The following KALRN variants were observed in gnomAD, a reference collection of about 807,000 sequenced individuals.
The protein encoded by KALRN is kalirin RhoGEF kinase.
A neutral mutation model predicts 353.7 loss-of-function variants in KALRN; 70 were observed. The observed-to-expected ratio is 0.20, with a 90% CI of 0.16 to 0.24. The LOEUF is 0.24. Among genes scored for constraint, KALRN ranks in the 10% least tolerant of loss-of-function variants. The probability of loss-of-function intolerance (pLI) is 1.00; values close to 1 mark genes in which losing one functional copy is unlikely to be tolerated. For missense variants in KALRN, 2,791 were observed against 3,756.7 expected (o/e 0.74, Z 6.72); for synonymous variants, 1,391 against 1,434.8 (o/e 0.97, Z 0.69).
chr3:124,060,614 C>T (rs1163165709), intron 1 of KALRN, among the ~76,000 whole-genome samples: 1 of 152,166 alleles, frequency 6.6e-6, no homozygotes, highest in East Asian at 1.9e-4. Flanking sequence ...AGAAATTGTT[C>T]CAGGTATCTC....
In KALRN at chr3:124,077,999, T is replaced by C. The variant is rs1310278946; in HGVS notation, c.73+44186T>C. Among the ~76,000 whole-genome samples, 3 of 152,232 alleles carry C rather than the reference T, an allele frequency of 2.0e-5. No homozygotes were observed. The East Asian group carries it at 5.8e-4, about 29-fold the overall frequency. On this transcript the variant is annotated intron_variant, in intron 1 of 59. Transcript: ENST00000682506. ...TTCAACGAATAAATGAGATCATGAA[T>C]GTAAAGCAGTTAGCCTGGCATATAC...
intron 25 of KALRN, among the ~76,000 whole-genome samples, chr3:124,471,254 G>GTTTTTT (rs869160995): frequency 7.8e-6 from 1 of 127,474 alleles, no homozygotes; most frequent in African/African-American, 3.1e-5. Context: ...CCCCCACAAA[G>GTTTTTT]TTTTATTATT....
At chr3:124,273,322 T>C (rs2074362905) in intron 5 of KALRN, among the ~76,000 whole-genome samples, 1 of 152,234 alleles carries the variant, frequency 6.6e-6, no homozygotes, top group African/African-American at 2.4e-5. Context: ...CACTCATTCA[T>C]TTAATAATCA....
At chr3:124,373,996 A>C (rs548744225) in intron 10 of KALRN, among the ~76,000 whole-genome samples, 1 of 152,378 alleles carries the variant, frequency 6.6e-6, no homozygotes, top group Non-Finnish European at 1.5e-5. Flanking sequence ...GGTAAAACCC[A>C]GGGCAAGTAG....
chr3:124,688,796 A>G (rs769074049), intron 51 of KALRN, among the ~76,000 whole-genome samples: 3 of 152,226 alleles, frequency 2.0e-5, no homozygotes, highest in Non-Finnish European at 2.9e-5. Context: ...TCAGTCAGAC[A>G]TTGGCTGACA....
Position 124,268,810 on chromosome 3 carries a change from A to T in KALRN, c.524A>T (p.Asp175Val). The change falls in exon 5 of 60, where the codon GAT becomes GTT. Residue 175 changes from aspartate to valine, a missense_variant. Transcript: ENST00000682506. Reference protein sequence around the residue: ...VDPSQLTEEFDGSLDYNHEEW... With the variant: ...VDPSQLTEEFVGSLDYNHEEW... ...CCCTCCCAGCTGACGGAGGAGTTTG[A>T]TGGCTCCCTGGACTACAACCATGAG... is the stretch of plus-strand genomic sequence containing the variant. 6.2e-7 allele frequency: 1 copy of T among 1,614,044 alleles called. No homozygotes were observed. The highest frequency in any genetic ancestry group is 8.5e-7 in the Non-Finnish European group (1 of 1,179,990).
chr3:124,316,833 T>C (rs1041438860), intron 6 of KALRN, among the ~76,000 whole-genome samples: 1 of 152,272 alleles, frequency 6.6e-6, no homozygotes, highest in Non-Finnish European at 1.5e-5. Context: ...CAATGTCTTG[T>C]ATTGTTGAAT....
chr3:124,512,719 A>G (rs964554090), intron 33 of KALRN, among the ~76,000 whole-genome samples: 1 of 151,972 alleles, frequency 6.6e-6, no homozygotes, highest in East Asian at 1.9e-4. Flanking sequence ...GTATGTGCAC[A>G]TGTGTGTTTG....
intron 1 of KALRN, among the ~76,000 whole-genome samples, chr3:124,208,059 A>G (rs1441447895): frequency 6.6e-6 from 1 of 152,218 alleles, no homozygotes; most frequent in Non-Finnish European, 1.5e-5. Flanking sequence ...GTGTCCTTAA[A>G]ATGGAAAGTA....
At chr3:124,514,787 CA>C (rs1435284053) in intron 33 of KALRN, among the ~76,000 whole-genome samples, 1 of 152,106 alleles carries the variant, frequency 6.6e-6, no homozygotes, top group African/African-American at 2.4e-5. Flanking sequence ...CATTTTGGCC[CA>C]AATAATATAA....
intron 1 of KALRN, among the ~76,000 whole-genome samples, chr3:124,040,438 T>C (rs563782032): frequency 5.9e-5 from 9 of 152,064 alleles, no homozygotes; most frequent in African/African-American, 1.9e-4. Context: ...CCTGGAGACA[T>C]TTTTTTGGTG....
At chr3:124,128,749 A>G (rs2064961841) in intron 1 of KALRN, among the ~76,000 whole-genome samples, 1 of 152,152 alleles carries the variant, frequency 6.6e-6, no homozygotes, top group South Asian at 2.1e-4. Flanking sequence ...CAAGAACTTC[A>G]TGCAGGTGAC....
At chr3:124,529,771 A>G (rs2067885593) in intron 33 of KALRN, among the ~76,000 whole-genome samples, 1 of 151,974 alleles carries the variant, frequency 6.6e-6, no homozygotes, top group Non-Finnish European at 1.5e-5. Flanking sequence ...ATTTCTAATT[A>G]AGAATGGAAA....
intron 26 of KALRN, among the ~76,000 whole-genome samples, chr3:124,476,355 C>T (rs2061426400): frequency 6.6e-6 from 1 of 151,308 alleles, no homozygotes; most frequent in Non-Finnish European, 1.5e-5. Context: ...GTTCTCTCAT[C>T]TGCAAACTGG....
chr3:124,373,796 G>A (rs899947924), intron 10 of KALRN, among the ~76,000 whole-genome samples: 11 of 152,136 alleles, frequency 7.2e-5, no homozygotes, highest in African/African-American at 1.9e-4. Context: ...CTGCAACAAC[G>A]TTATTTCCAA....
intron 53 of KALRN, among the ~76,000 whole-genome samples, chr3:124,695,650 T>C (rs961285655): frequency 9.9e-5 from 15 of 152,194 alleles, no homozygotes; most frequent in African/African-American, 2.7e-4. Flanking sequence ...TGATGGAATT[T>C]ACTCTTTCTT....
intron 1 of KALRN, among the ~76,000 whole-genome samples, chr3:124,042,543 C>T (rs2040059888): frequency 6.6e-6 from 1 of 152,032 alleles, no homozygotes; most frequent in African/African-American, 2.4e-5. Context: ...ATATGAGTTA[C>T]TTTGGGAGGT....
At chr3:124,230,857 C>CAAAAAA (rs796655959) in intron 2 of KALRN, among the ~76,000 whole-genome samples, 1 of 93,710 alleles carries the variant, frequency 1.1e-5, no homozygotes, top group Non-Finnish European at 2.4e-5. Flanking sequence ...CCCCCAAAAC[C>CAAAAAA]AAAAAAAAAA....
At chr3:124,467,962 T>G (rs903535744) in intron 25 of KALRN, among the ~76,000 whole-genome samples, 3 of 151,552 alleles carry the variant, frequency 2.0e-5, no homozygotes, top group Non-Finnish European at 2.9e-5. Context: ...GGGTAGGTAG[T>G]CAGGCAGGTA....
Sources: gnomAD v4.1 joint callset for allele counts (sites outside exome capture counted in the v4.1 genomes callset) on GRCh38, gnomAD v4.1.1 for gene constraint, MANE v1.5 for transcripts, NCBI Gene and HGNC (gene_info 2026-07-23, HGNC 2026-07-21) for gene names.